PHLPP2: variants seen among roughly 807,000 people sequenced by gnomAD.
The protein encoded by PHLPP2 is PH domain and leucine rich repeat protein phosphatase 2.
A neutral mutation model predicts 124.9 loss-of-function variants in PHLPP2; 66 were observed. That is an observed-to-expected ratio of 0.53 (90% CI 0.43 to 0.65). The LOEUF (loss-of-function observed/expected upper bound fraction) is 0.65, where lower values mean the gene tolerates loss of function less well. Among genes scored for constraint, PHLPP2 ranks in the 30% least tolerant of loss-of-function variants. The probability of loss-of-function intolerance (pLI) is 0.00; values close to 1 mark genes in which losing one functional copy is unlikely to be tolerated. For missense variants in PHLPP2, 1,685 were observed against 1,600.4 expected, an observed-to-expected ratio of 1.05 and a Z score of -0.90; for synonymous variants, 681 against 624.7, an observed-to-expected ratio of 1.09 and a Z score of -1.34.
Position 71,649,067 on chromosome 16 carries a change from T to C in PHLPP2, c.3795A>G (p.Lys1265=). 1 of 1,614,132 alleles carries C rather than the reference T, an allele frequency of 6.2e-7. No individual in the cohort carries two copies. Among genetic ancestry groups the C allele is most frequent in the Non-Finnish European group, 8.5e-7 (1 of 1,180,014 alleles). ...IEVATEVPKR[K]TGYFAAPTQM... The stretch of plus-strand genomic sequence containing the variant: ...GAGTGGGGGCAGCAAAATAGCCAGT[T>C]TTCCTCTTGGGCACTTCTGTGGCCA... Residue 1265 remains lysine (K), a synonymous_variant, in exon 19 of 19, where the codon AAA becomes AAG. Coordinates refer to ENST00000568954, the MANE Select transcript of PHLPP2 (RefSeq NM_015020.3).
rs1378690628 is a variant in PHLPP2, at chr16:71,679,490, C to A, written c.936G>T (p.Gly312=). The A allele has an allele frequency of 6.2e-7, 1 of 1,613,660 alleles. No homozygotes were observed. The highest frequency in any genetic ancestry group is 2.2e-5 in the East Asian group (1 of 44,858). Residue 312 remains glycine, a synonymous_variant, in exon 7 of 19, where the codon GGG becomes GGT. Transcript: ENST00000568954. Reference sequence around the variant, plus strand: ...TCTCGCATAACAATATAGGAAACAACCCAAGTTTATTATGGGACAAGTTCA... The same window carrying A: ...TCTCGCATAACAATATAGGAAACAAACCAAGTTTATTATGGGACAAGTTCA... The part of the protein sequence containing the change: ...KGLNLSHNKL[G]LFPILLCEIS...
intron 12 of PHLPP2, among the ~76,000 whole-genome samples, chr16:71,665,628 T>C (rs1037491994): frequency 1.3e-5 from 2 of 152,226 alleles, no homozygotes; most frequent in African/African-American, 4.8e-5. Flanking sequence ...ACTGTGTGTC[T>C]GCTTGTGCTG....
intron 2 of PHLPP2, among the ~76,000 whole-genome samples, chr16:71,712,100 C>T (rs2045328208): frequency 6.6e-6 from 1 of 152,194 alleles, no homozygotes; most frequent in Admixed American, 6.5e-5. Flanking sequence ...ATACTACCTC[C>T]CTTGGAGTTA....
rs1420654817 is a variant in PHLPP2 at position 71,645,940 on chromosome 16, G to A, written c.*2950C>T. The A allele has an allele frequency of 6.6e-6, 1 of 152,330 alleles. No homozygotes were observed. 9.4% of individuals were successfully genotyped at this position (152,330 alleles called of 1,614,324 possible). ...ACACATGTATTTTTCTTTCTTCCAT[G>A]GACTCCTAAACTGCTCCCACAATCA... On this transcript the variant is annotated 3_prime_UTR_variant, in exon 19 of 19. Coordinates refer to ENST00000568954, the MANE Select transcript of PHLPP2 (RefSeq NM_015020.3).
intron 1 of PHLPP2, chr16:71,723,912 T>TGCGGAGCCTCGGCGGCGC (rs2045416095): frequency 4.3e-5 from 34 of 794,738 alleles, no homozygotes; most frequent in Non-Finnish European, 5.2e-5. Flanking sequence ...CGCGACGGCG[T>TGCGGAGCCTCGGCGGCGC]GCGGAGCCTC....
chr16:71,717,225 T>A (rs2045368887), intron 1 of PHLPP2, among the ~76,000 whole-genome samples: 1 of 152,246 alleles, frequency 6.6e-6, no homozygotes, highest in South Asian at 2.1e-4. Context: ...AATACTATTT[T>A]TATAATTACT....
At chr16:71,722,942 C>G (rs9934301) in intron 1 of PHLPP2, among the ~76,000 whole-genome samples, 136,490 of 152,234 alleles carry the variant, frequency 0.9, 61,509 homozygotes, top group East Asian at 0.99. Context: ...AAACTTACTT[C>G]TCATCACCTT....
rs1236871460 is a variant in PHLPP2, at chr16:71,655,318, G to GCCA, written c.2504_2506dup (p.Met835_Ala836insVal). 1 of 1,613,714 alleles carries GCCA rather than the reference G, an allele frequency of 6.2e-7. No homozygotes were observed. Among genetic ancestry groups the GCCA allele is most frequent in the African/African-American group, 1.3e-5 (1 of 74,900 alleles). ...CTGTACCTCTTCTAAAAGCACATCT[G>GCCA]CCATCGTACACTGCAGCAGGCGCGG... On this transcript the variant is annotated inframe_insertion, in exon 17 of 19. Coordinates refer to ENST00000568954, the MANE Select transcript of PHLPP2 (RefSeq NM_015020.3).
intron 10 of PHLPP2, among the ~76,000 whole-genome samples, chr16:71,670,695 A>AACACACACACACACACACAC (rs71153651): frequency 0.14 from 17,857 of 128,704 alleles, 1,728 homozygotes; most frequent in South Asian, 0.33. Context: ...AGAGGCTGAA[A>AACACACACACACACACACAC]ACACACACAC....
intron 9 of PHLPP2, among the ~76,000 whole-genome samples, chr16:71,673,375 A>G (rs766959477): frequency 2.1e-4 from 32 of 152,210 alleles, no homozygotes; most frequent in Non-Finnish European, 2.4e-4. Context: ...GTAGGTGTAT[A>G]GTGGTGCCAC....
At chr16:71,713,678 TA>T (rs2045338133) in intron 2 of PHLPP2, among the ~76,000 whole-genome samples, 1 of 152,196 alleles carries the variant, frequency 6.6e-6, no homozygotes, top group Non-Finnish European at 1.5e-5. Context: ...GAAAGATCTC[TA>T]AAAGATATTA....
rs2044733228 is a variant in PHLPP2 at position 71,655,344 on chromosome 16, G to A, written c.2481C>T (p.Leu827=). ...GMFDGDRNEE[L]PRLLQCTMAD... ...CCATCGTACACTGCAGCAGGCGCGG[G>A]AGCTCCTCATTTCGGTCTCCATCAA... The change falls in exon 17 of 19, where the codon CTC becomes CTT. Residue 827 remains leucine, a synonymous_variant. Coordinates refer to ENST00000568954, the MANE Select transcript of PHLPP2 (RefSeq NM_015020.3). 1 of 1,613,858 alleles carries A rather than the reference G, an allele frequency of 6.2e-7. No homozygotes were observed.
intron 8 of PHLPP2, chr16:71,678,475 T>C (rs2044967590): frequency 1.5e-5 from 5 of 341,832 alleles, no homozygotes; most frequent in South Asian, 3.4e-5. Context: ...TCATCTCTAC[T>C]AAAAGTAGAA....
chr16:71,710,119 G>T (rs1012801856), intron 2 of PHLPP2, among the ~76,000 whole-genome samples: 2 of 152,084 alleles, frequency 1.3e-5, no homozygotes, highest in African/African-American at 4.8e-5. Flanking sequence ...AAAGTGCTAG[G>T]ATTACAGACT....
chr16:71,717,977 GAA>G (rs1439874735), intron 1 of PHLPP2, among the ~76,000 whole-genome samples: 3 of 152,092 alleles, frequency 2.0e-5, no homozygotes, highest in Non-Finnish European at 4.4e-5. Context: ...CGGCAGCTTC[GAA>G]CTCCTGACCT....
At chr16:71,699,561 C>T (rs543806935) in intron 3 of PHLPP2, among the ~76,000 whole-genome samples, 5 of 152,284 alleles carry the variant, frequency 3.3e-5, no homozygotes, top group Admixed American at 2.0e-4. Context: ...TAAAATTCTC[C>T]GCATTCACCA....
chr16:71,664,212 G>GA, intron 12 of PHLPP2, 113 bp from the exon 13 acceptor site: 3 of 727,730 alleles, frequency 4.1e-6, no homozygotes, highest in African/African-American at 1.8e-5. Context: ...CTTCCAAATG[G>GA]GAAAAAAAAA....
rs1162142062 is a variant in PHLPP2, at chr16:71,687,672, C to T, written c.609+2847G>A. Reference sequence around the variant, plus strand: ...TTTTAGTGGCTATTGTTAAATTTTCCTAATAAATTTTAAGATTATTTGATG... The same window carrying T: ...TTTTAGTGGCTATTGTTAAATTTTCTTAATAAATTTTAAGATTATTTGATG... On this transcript the variant is annotated intron_variant, in intron 4 of 18. Coordinates refer to ENST00000568954, the MANE Select transcript of PHLPP2 (RefSeq NM_015020.3). Among the ~76,000 whole-genome samples the T allele has an allele frequency of 1.3e-5, 2 of 151,938 alleles. 1 individual carries two copies. The highest frequency in any genetic ancestry group is 6.4e-3 in the Middle Eastern group (2 of 314).
intron 3 of PHLPP2, among the ~76,000 whole-genome samples, chr16:71,694,588 G>C (rs2045149912): frequency 6.6e-6 from 1 of 151,960 alleles, no homozygotes; most frequent in Non-Finnish European, 1.5e-5. Context: ...CACAAATATA[G>C]TACCCAAAAG....
Sources: allele counts gnomAD v4.1 joint callset (sites outside exome capture counted in the v4.1 genomes callset), GRCh38; gene constraint gnomAD v4.1.1; transcripts MANE v1.5; gene names NCBI Gene and HGNC (gene_info 2026-07-23, HGNC 2026-07-21).